DHX8: variants seen among roughly 807,000 people sequenced by gnomAD.
DHX8 encodes ATP-dependent RNA helicase DHX8.
DHX8 carries 67 observed loss-of-function variants against 140.7 expected under a neutral mutation model. The ratio of observed to expected loss-of-function variants is 0.48; its 90% confidence interval spans 0.39 to 0.58. The LOEUF is 0.58. DHX8 is among the 20% of genes least tolerant of loss of function. DHX8 has a pLI of 0.00. For synonymous variants in DHX8, 533 were observed against 553.2 expected, an observed-to-expected ratio of 0.96 and a Z score of 0.51; for missense variants, 887 against 1,550.7, an observed-to-expected ratio of 0.57 and a Z score of 7.19.
downstream of DHX8, chr17:43,529,064 G>A (rs1970740881): frequency 4.2e-6 from 6 of 1,422,978 alleles, no homozygotes; most frequent in Non-Finnish European, 6.0e-6. Flanking sequence ...CTGCCCTGCT[G>A]ACCCTCTCCC....
chr17:43,491,077 TC>T, intron 3 of DHX8, 87 bp from the exon 4 acceptor site: 1 of 529,742 alleles, frequency 1.9e-6, no homozygotes, highest in Non-Finnish European at 3.1e-6. Flanking sequence ...TTGATACAAA[TC>T]TATTGTTGAA....
At chr17:43,504,598 T>G (rs1275399823) in intron 11 of DHX8, 46 bp from the exon 12 acceptor site, 67 of 1,541,942 alleles carry the variant, frequency 4.3e-5, no homozygotes, top group Middle Eastern at 2.0e-4. Context: ...TGGTACATCT[T>G]GAGGTAGCTT....
intron 12 of DHX8, 29 bp downstream of exon 12, chr17:43,504,854 G>A: frequency 6.3e-7 from 1 of 1,592,680 alleles, no homozygotes; most frequent in Non-Finnish European, 8.6e-7. Context: ...TGTATTGGTG[G>A]GGAGTAGGGT....
rs746790573 is a variant in DHX8, at chr17:43,493,517, C to T, written c.936C>T (p.Val312=). Residue 312 remains valine (V), a synonymous_variant, in exon 7 of 23, where the codon GTC becomes GTT. Transcript: ENST00000262415. ...REGRVANVAD[V]VSKGQRVKVK... ...GTCGTGTGGCCAATGTAGCTGATGTCGTGAGCAAAGGCCAGAGGGTCAAAG... is the reference window on the plus strand; with the variant it reads ...GTCGTGTGGCCAATGTAGCTGATGTTGTGAGCAAAGGCCAGAGGGTCAAAG... 2 of 1,614,094 alleles carry T rather than the reference C, an allele frequency of 1.2e-6. No individual in the cohort carries two copies. The highest frequency in any genetic ancestry group is 1.7e-5 in the Admixed American group (1 of 60,008).
Position 43,507,115 on chromosome 17 carries a change from G to C in DHX8, c.1841G>C (p.Gly614Ala), listed in dbSNP as rs374703434. ...GGCTACACTTCCAGGGGCAAGATTG[G>C]GTGTACCCAGCCCAGAAGAGTGGCA... is the stretch of plus-strand genomic sequence containing the variant. The part of the protein sequence containing the change: ...EAGYTSRGKI[G>A]CTQPRRVAAM... Residue 614 changes from glycine (G) to alanine (A), a missense_variant, in exon 13 of 23, where the codon GGG becomes GCG. By Grantham distance (60) the Gly-to-Ala change is moderately conservative. Transcript: ENST00000262415. The C allele has an allele frequency of 2.5e-6, 4 of 1,613,938 alleles. No homozygotes were observed. Among genetic ancestry groups the C allele is most frequent in the Non-Finnish European group, 3.4e-6 (4 of 1,180,034 alleles).
chr17:43,511,258 A>G (rs1237180207), intron 16 of DHX8, among the ~76,000 whole-genome samples: 1 of 152,082 alleles, frequency 6.6e-6, no homozygotes, highest in Non-Finnish European at 1.5e-5. Context: ...TGAACCCAAG[A>G]GGCAGAGGTT....
At chr17:43,528,827 C>T, downstream of DHX8, 1 of 1,109,976 alleles carries the variant, frequency 9.0e-7, no homozygotes, top group Non-Finnish European at 1.3e-6. Flanking sequence ...GGAATGTGGC[C>T]CTTCTACCAG....
At chr17:43,533,638 C>G (rs1971080457) in intron 2 of DHX8, among the ~76,000 whole-genome samples, 1 of 152,114 alleles carries the variant, frequency 6.6e-6, no homozygotes. Context: ...TTGGTGGAAA[C>G]AGAATCTGCT....
At chr17:43,505,419 A>AG (rs1464747087) in intron 12 of DHX8, among the ~76,000 whole-genome samples, 2 of 151,528 alleles carry the variant, frequency 1.3e-5, no homozygotes, top group African/African-American at 4.8e-5. Flanking sequence ...AAAAAAAAAA[A>AG]TTACCTGGGT....
intron 1 of DHX8, among the ~76,000 whole-genome samples, chr17:43,485,510 G>A (rs1289443915): frequency 1.3e-5 from 2 of 151,934 alleles, no homozygotes. Context: ...TTTCCCGCAG[G>A]ATTCTTCTCT....
At chr17:43,489,266 G>C (rs1968356507) in intron 1 of DHX8, among the ~76,000 whole-genome samples, 183 bp from the exon 2 acceptor site, 1 of 152,062 alleles carries the variant, frequency 6.6e-6, no homozygotes, top group African/African-American at 2.4e-5. Context: ...TGGCCTCCCA[G>C]AGTGTTGGGA....
chr17:43,508,771 C>T (rs1281440473), intron 16 of DHX8, among the ~76,000 whole-genome samples: 1 of 152,074 alleles, frequency 6.6e-6, no homozygotes, highest in African/African-American at 2.4e-5. Flanking sequence ...AGGCACCTGC[C>T]ACCACGCCTG....
chr17:43,508,706 G>A (rs993160380), intron 16 of DHX8, among the ~76,000 whole-genome samples, 186 bp downstream of exon 16: 2 of 148,644 alleles, frequency 1.3e-5, no homozygotes, highest in African/African-American at 2.5e-5. Flanking sequence ...TGCAAGCTCC[G>A]CCTCCCGGGT....
Position 43,493,820 on chromosome 17 carries a change from G to C in DHX8, c.1146G>C (p.Glu382Asp), listed in dbSNP as rs1473602205. 2 of 1,614,162 alleles carry C rather than the reference G, an allele frequency of 1.2e-6. No individual in the cohort carries two copies. Among genetic ancestry groups the C allele is most frequent in the Non-Finnish European group, 1.7e-6 (2 of 1,180,046 alleles). The change falls in exon 8 of 23, where the codon GAG becomes GAC. Residue 382 changes from glutamate (E) to aspartate (D), a missense_variant. Physicochemically the swap from Glu to Asp is conservative, Grantham distance 45 (BLOSUM62 2). Around this residue, in one of 9 missense-constraint regions of DHX8, gnomAD observed 98 missense variants for 152.7 expected, o/e 0.64. Coordinates refer to ENST00000262415, the MANE Select transcript of DHX8 (RefSeq NM_004941.3). Reference protein sequence around the residue: ...HLSLVSAPEVEDDSLERKRLT... With the variant: ...HLSLVSAPEVDDDSLERKRLT... ...CCCTTGTCAGTGCTCCTGAAGTAGA[G>C]GACGACTCACTGGAACGCAAGCGCC...
At chr17:43,489,732 A>G (rs1440758429) in intron 2 of DHX8, among the ~76,000 whole-genome samples, 198 bp downstream of exon 2, 2 of 151,940 alleles carry the variant, frequency 1.3e-5, no homozygotes, top group Non-Finnish European at 2.9e-5. Flanking sequence ...CTGGGACTAC[A>G]GGTGCCTGCC....
chr17:43,521,842 T>C (rs554537094), intron 21 of DHX8, among the ~76,000 whole-genome samples: 1 of 152,314 alleles, frequency 6.6e-6, no homozygotes, highest in Non-Finnish European at 1.5e-5. Flanking sequence ...ACTGTGGAAT[T>C]GAATACCTGT....
At position 43,524,799 on chromosome 17, in the gene DHX8, T is replaced by TC; in HGVS notation, c.*956dup. The TC allele has an allele frequency of 1.0e-6, 1 of 985,316 alleles. No homozygotes were observed. 61.0% of individuals were successfully genotyped at this position (985,316 alleles called of 1,614,324 possible). The stretch of plus-strand genomic sequence containing the variant: ...GGATTTTATGGTCAAAACCTCCCTT[T>TC]CCCCACTCCAAACAGAAAACAAACA... On this transcript the variant is annotated 3_prime_UTR_variant, in exon 23 of 23. Transcript: ENST00000262415.
chr17:43,535,908 C>A (rs946099130), intron 2 of DHX8, among the ~76,000 whole-genome samples: 12 of 152,156 alleles, frequency 7.9e-5, no homozygotes, highest in African/African-American at 2.9e-4. Context: ...GTCAGGAATT[C>A]GAGACCATCC....
In DHX8 at chr17:43,507,508, C is replaced by G; in HGVS notation, c.1929C>G (p.Gly643=). ...CCCCTTCTCTTCTGCTTTAGGTGGG[C>G]TACACCATTCGATTTGAGGACTGCA... ...EFGCCLGQEV[G]YTIRFEDCTS... is the part of the protein sequence containing the mutation. Residue 643 remains glycine, a synonymous_variant, in exon 14 of 23, where the codon GGC becomes GGG. Coordinates refer to ENST00000262415, the MANE Select transcript of DHX8 (RefSeq NM_004941.3). The G allele has an allele frequency of 6.2e-7, 1 of 1,613,564 alleles. No homozygotes were observed. The highest frequency in any genetic ancestry group is 8.5e-7 in the Non-Finnish European group (1 of 1,179,812).
Sources: gnomAD v4.1 joint callset for allele counts (sites outside exome capture counted in the v4.1 genomes callset) on GRCh38, gnomAD v4.1.1 for gene constraint, gnomAD v4.1.1 regional missense constraint, MANE v1.5 for transcripts, NCBI Gene and HGNC (gene_info 2026-07-23, HGNC 2026-07-21) for gene names.